The following SPART variants were observed in gnomAD, a reference collection of about 807,000 sequenced individuals.
SPART encodes spartin, also known as spastic paraplegia 20 (Troyer syndrome).
In SPART, 35 loss-of-function variants were observed where a neutral mutation model predicts 58.7. The ratio of observed to expected loss-of-function variants is 0.60; its 90% confidence interval spans 0.46 to 0.79. SPART has a LOEUF of 0.79. Ranked by LOEUF, SPART falls within the 30% of genes least tolerant of loss-of-function variation. The pLI is 0.00. For synonymous variants in SPART, 284 were observed against 280.7 expected, an observed-to-expected ratio of 1.01 and a Z score of -0.12; for missense variants, 730 against 786.1, an observed-to-expected ratio of 0.93 and a Z score of 0.85.
chr13:36,309,556 TA>T (rs35762352), intron 8 of SPART, among the ~76,000 whole-genome samples: 3,581 of 151,896 alleles, frequency 0.024, 147 homozygotes, highest in African/African-American at 0.082. Flanking sequence ...TACACAGCCC[TA>T]AAAAAATGAA....
At chr13:36,305,380 AT>A (rs1308217587) in intron 8 of SPART, among the ~76,000 whole-genome samples, 3 of 152,058 alleles carry the variant, frequency 2.0e-5, no homozygotes, top group Non-Finnish European at 4.4e-5. Flanking sequence ...CACTTTCTAC[AT>A]ACTATAGAAC....
At chr13:36,345,266 T>C (rs1234578243) in intron 1 of SPART, among the ~76,000 whole-genome samples, 1 of 152,120 alleles carries the variant, frequency 6.6e-6, no homozygotes, top group Non-Finnish European at 1.5e-5. Flanking sequence ...GTGCCAGAGG[T>C]GAAGCCGACC....
chr13:36,309,953 A>T (rs974308279), intron 8 of SPART, among the ~76,000 whole-genome samples: 2 of 152,356 alleles, frequency 1.3e-5, no homozygotes, highest in South Asian at 2.1e-4. Context: ...AAACAAATGT[A>T]TTCATGCCCC....
intron 1 of SPART, among the ~76,000 whole-genome samples, chr13:36,358,893 T>C (rs765874446): frequency 2.0e-5 from 3 of 152,214 alleles, no homozygotes; most frequent in African/African-American, 4.8e-5. Flanking sequence ...GAGTTCCCAT[T>C]AACTTTTCTG....
At chr13:36,368,843 A>G (rs1298709617) in intron 1 of SPART, among the ~76,000 whole-genome samples, 1 of 152,154 alleles carries the variant, frequency 6.6e-6, no homozygotes, top group Non-Finnish European at 1.5e-5. Flanking sequence ...TACTAAAAAT[A>G]CAAAAATTAG....
chr13:36,313,888 A>T (rs1358162196), intron 6 of SPART: 3 of 310,762 alleles, frequency 9.7e-6, no homozygotes, highest in Admixed American at 4.8e-5. Context: ...TTTTTCAAAG[A>T]TACACACATT....
At chr13:36,342,715 T>G (rs1291440651) in intron 1 of SPART, among the ~76,000 whole-genome samples, 2 of 152,088 alleles carry the variant, frequency 1.3e-5, no homozygotes, top group African/African-American at 4.8e-5. Flanking sequence ...CTAAATGGTC[T>G]TCAAACTGGG....
At chr13:36,329,653 T>C (rs1331317087) in intron 3 of SPART, 136 bp from the exon 4 acceptor site, 3 of 906,038 alleles carry the variant, frequency 3.3e-6, no homozygotes, top group Non-Finnish European at 5.2e-6. Context: ...CAACTACTTT[T>C]GCTTTTTTCT....
chr13:36,309,007 G>A (rs1026074304), intron 8 of SPART, among the ~76,000 whole-genome samples: 1 of 152,136 alleles, frequency 6.6e-6, no homozygotes, highest in Admixed American at 6.5e-5. Flanking sequence ...AACTTTGGGA[G>A]GCCGAGGTGG....
At chr13:36,348,066 G>T (rs1208647327), upstream of SPART, among the ~76,000 whole-genome samples, 3 of 152,010 alleles carry the variant, frequency 2.0e-5, no homozygotes, top group South Asian at 6.2e-4. Context: ...CAAGAGAATC[G>T]CTTGAGCCCA....
chr13:36,335,382 G>A lies in SPART; in HGVS notation c.449C>T (p.Ala150Val). ...EVNGNTSTPS[A>V]GAVAAPASLS... is the part of the protein sequence containing the mutation. ...AGAAGCAGGTGCAGCAACTGCCCCT[G>A]CACTTGGAGTTGAGGTGTTTCCATT... Residue 150 changes from alanine (A) to valine (V), a missense_variant, in exon 2 of 9, where the codon GCA becomes GTA. Physicochemically the swap from Ala to Val is moderately conservative, Grantham distance 64 (BLOSUM62 0). Transcript: ENST00000438666. 1.9e-6 allele frequency: 3 copies of A among 1,614,094 alleles called. No homozygotes were observed. Among genetic ancestry groups the A allele is most frequent in the South Asian group, 1.1e-5 (1 of 91,084 alleles).
At chr13:36,346,957 C>T (rs1885188320), upstream of SPART, among the ~76,000 whole-genome samples, 1 of 152,140 alleles carries the variant, frequency 6.6e-6, no homozygotes, top group African/African-American at 2.4e-5. Flanking sequence ...TTTCCAAAAG[C>T]CCGCCTGCAC....
intron 1 of SPART, among the ~76,000 whole-genome samples, chr13:36,339,930 ATGCTGGCGCGTGCC>A (rs1378147562): frequency 1.3e-5 from 2 of 152,014 alleles, no homozygotes; most frequent in Non-Finnish European, 2.9e-5. Context: ...TTAGCCAGAC[ATGCTGGCGCGTGCC>A]TGTAGTTCCA....
At chr13:36,323,032 T>C (rs1210902621) in intron 5 of SPART, among the ~76,000 whole-genome samples, 1 of 152,112 alleles carries the variant, frequency 6.6e-6, no homozygotes. Context: ...TAGCAAAAAA[T>C]GCATAATCTT....
At chr13:36,339,626 T>G (rs1244915201) in intron 1 of SPART, among the ~76,000 whole-genome samples, 1 of 10,714 alleles carries the variant, frequency 9.3e-5, no homozygotes, top group African/African-American at 3.7e-4. Flanking sequence ...CACGACTCCA[T>G]CAAAAAAAAA....
intron 1 of SPART, chr13:36,345,706 G>T (rs990991000): frequency 3.3e-5 from 5 of 152,202 alleles, no homozygotes; most frequent in African/African-American, 1.2e-4. Context: ...TAGGAAGCAT[G>T]AAAGAATGTA....
At position 36,344,763 on chromosome 13, in the gene SPART, ATTAT is replaced by A. The variant is rs561910442; in HGVS notation, c.-3+1458_-3+1461del. ...AAAAACCATTATCACATTATTTCAC[ATTAT>A]TTAATTTTCAAAGTTAAGAAGACAA... On this transcript the variant is annotated intron_variant, in intron 1 of 8. Transcript: ENST00000438666. 3.9e-4 allele frequency among the ~76,000 whole-genome samples: 59 copies of A among 152,324 alleles called. 1 individual carries two copies. In the South Asian group the frequency reaches 7.5e-3, roughly 19 times the overall value.
intron 1 of SPART, among the ~76,000 whole-genome samples, chr13:36,353,740 G>A (rs1186025144): frequency 6.6e-6 from 1 of 152,200 alleles, no homozygotes; most frequent in Non-Finnish European, 1.5e-5. Flanking sequence ...TATTAGCCAA[G>A]ACAGGCAGAT....
intron 5 of SPART, among the ~76,000 whole-genome samples, chr13:36,317,049 C>T (rs892099229): frequency 6.6e-6 from 1 of 152,154 alleles, no homozygotes; most frequent in East Asian, 1.9e-4. Flanking sequence ...CTGGGAGAGA[C>T]AAAGGAGACA....
Sources: gnomAD v4.1 joint callset for allele counts (sites outside exome capture counted in the v4.1 genomes callset) on GRCh38, gnomAD v4.1.1 for gene constraint, MANE v1.5 for transcripts, NCBI Gene and HGNC (gene_info 2026-07-23, HGNC 2026-07-21) for gene names.